TERB1: variants seen among roughly 807,000 people sequenced by gnomAD.
The protein encoded by TERB1 is telomere repeats-binding bouquet formation protein 1.
Under a neutral mutation model 92.3 loss-of-function variants are expected in TERB1, and 63 were observed. The ratio of observed to expected loss-of-function variants is 0.68; its 90% CI spans 0.56 to 0.84. TERB1 has a LOEUF of 0.84. Among genes scored for constraint, TERB1 ranks in the 40% least tolerant of loss-of-function variants. TERB1 has a pLI of 0.00. For missense variants in TERB1, 709 were observed against 843.7 expected (o/e 0.84, Z 1.98); for synonymous variants, 252 against 283.9 (o/e 0.89, Z 1.13).
At chr16:66,790,516 C>A in intron 5 of TERB1, 79 bp downstream of exon 5, 3 of 1,055,636 alleles carry the variant, frequency 2.8e-6, no homozygotes, top group Admixed American at 3.2e-5. Flanking sequence ...AGGAAATTAA[C>A]TATAAAATTA....
chr16:66,775,031 G>T, intron 12 of TERB1, 87 bp downstream of exon 12: 1 of 1,342,970 alleles, frequency 7.4e-7, no homozygotes, highest in Non-Finnish European at 1.0e-6. Context: ...GAATCTGAGA[G>T]CTATAGGGCC....
intron 9 of TERB1, among the ~76,000 whole-genome samples, chr16:66,782,434 C>T (rs1181925292): frequency 2.0e-5 from 3 of 151,722 alleles, no homozygotes; most frequent in African/African-American, 7.3e-5. Flanking sequence ...CCCGTAATCC[C>T]AGCTACTCAG....
Position 66,754,792 on chromosome 16 carries a change from T to A in TERB1, c.*184A>T. ...ATTTTCTTACTAATCTGTACACTGA[T>A]GATATATTTGCTTTATAAATCATTG... On this transcript the variant is annotated 3_prime_UTR_variant, in exon 19 of 19. Coordinates refer to ENST00000433154, the MANE Select transcript of TERB1 (RefSeq NM_001136505.2). 1 of 592,936 alleles carries A rather than the reference T, an allele frequency of 1.7e-6. No individual in the cohort carries two copies. The highest frequency in any genetic ancestry group is 2.3e-5 in the South Asian group (1 of 43,882). The allele number at this position is 592,936 out of a possible 1,614,324, so 36.7% of individuals were successfully genotyped here. A position where few individuals can be genotyped will look rare whatever the true frequency, so the allele number is the denominator to read the frequency against.
At chr16:66,758,513 G>A in intron 18 of TERB1, 1 of 307,954 alleles carries the variant, frequency 3.2e-6, no homozygotes, top group Admixed American at 4.9e-5. Context: ...GGCCAAGGTG[G>A]GTGGATCACT....
chr16:66,792,453 T>C (rs1323418831), intron 3 of TERB1, among the ~76,000 whole-genome samples: 1 of 152,064 alleles, frequency 6.6e-6, no homozygotes, highest in Admixed American at 6.6e-5. Context: ...AAAAAAGAAA[T>C]AAAAGGCACC....
chr16:66,772,263 T>A (rs1051131146), intron 13 of TERB1, among the ~76,000 whole-genome samples: 4 of 152,166 alleles, frequency 2.6e-5, no homozygotes, highest in Non-Finnish European at 4.4e-5. Context: ...GGAGATCACT[T>A]GAGGTCAGGC....
intron 2 of TERB1, 81 bp from the exon 3 acceptor site, chr16:66,796,911 TG>T (rs1964242991): frequency 5.8e-6 from 4 of 688,868 alleles, no homozygotes; most frequent in Non-Finnish European, 2.4e-6. Flanking sequence ...CGGGAAAAAT[TG>T]TTTTCCTGAA....
intron 5 of TERB1, among the ~76,000 whole-genome samples, chr16:66,789,033 A>G (rs2018775737): frequency 6.6e-6 from 1 of 151,424 alleles, no homozygotes; most frequent in South Asian, 2.1e-4. Context: ...AAAAAAAAAA[A>G]AAAAAGAAAG....
At chr16:66,801,292 A>G (rs1390136350) in intron 1 of TERB1, among the ~76,000 whole-genome samples, 176 bp downstream of exon 1, 1 of 152,208 alleles carries the variant, frequency 6.6e-6, no homozygotes, top group Admixed American at 6.5e-5. Flanking sequence ...TAAATGGTGC[A>G]TCACGTGATG....
Position 66,769,976 on chromosome 16 carries a change from C to A in TERB1, c.1606G>T (p.Val536Phe). The change falls in exon 14 of 19, where the codon GTT becomes TTT. Residue 536 changes from valine to phenylalanine, a missense_variant. Coordinates refer to ENST00000433154, the MANE Select transcript of TERB1 (RefSeq NM_001136505.2). ...ATTAAACTATACCTTGATTGAGAAACAAAATTCTTTTCAAAAGTAGTTTCT... is the reference window on the plus strand; with the variant it reads ...ATTAAACTATACCTTGATTGAGAAAAAAAATTCTTTTCAAAAGTAGTTTCT... ...HEETTFEKNFVSQSSDHVFKH... is the reference protein window; with the variant it reads ...HEETTFEKNFFSQSSDHVFKH... 1.3e-6 allele frequency: 2 copies of A among 1,549,446 alleles called. No homozygotes were observed. The highest frequency in any genetic ancestry group is 8.7e-7 in the Non-Finnish European group (1 of 1,145,886).
chr16:66,790,560 C>T (rs1320520589), intron 5 of TERB1, 35 bp downstream of exon 5: 1 of 1,442,278 alleles, frequency 6.9e-7, no homozygotes, highest in South Asian at 1.3e-5. Context: ...TAACACAATG[C>T]TTAAAGTATA....
chr16:66,775,007 T>G, intron 12 of TERB1, 111 bp downstream of exon 12: 1 of 1,216,312 alleles, frequency 8.2e-7, no homozygotes, highest in Non-Finnish European at 1.1e-6. Context: ...TAGTCTGCTT[T>G]TCAAATGTAA....
intron 1 of TERB1, 62 bp downstream of exon 1, chr16:66,801,406 G>A (rs1681013617): frequency 6.6e-6 from 1 of 152,338 alleles, no homozygotes; most frequent in South Asian, 2.1e-4. Context: ...TGGGCTAAGG[G>A]CCTGACGGGG....
At chr16:66,765,849 A>ATT (rs10564947) in intron 16 of TERB1, among the ~76,000 whole-genome samples, 2,579 of 62,700 alleles carry the variant, frequency 0.041, 103 homozygotes, top group Non-Finnish European at 0.052. Context: ...ACTATTGGGT[A>ATT]TTTTTTTTTT....
intron 15 of TERB1, 21 bp from the exon 16 acceptor site, chr16:66,767,531 A>G (rs561089151): frequency 8.7e-7 from 1 of 1,148,136 alleles, no homozygotes; most frequent in South Asian, 1.5e-5. Flanking sequence ...TTGCAAAATG[A>G]AGGATTTTTG....
chr16:66,766,438 A>G (rs1322605236), intron 16 of TERB1, among the ~76,000 whole-genome samples: 2 of 152,202 alleles, frequency 1.3e-5, no homozygotes, highest in Admixed American at 6.6e-5. Context: ...AGCAAGATGA[A>G]AAAAGAGGAA....
At chr16:66,760,353 G>A (rs560135191) in intron 16 of TERB1, among the ~76,000 whole-genome samples, 2 of 142,546 alleles carry the variant, frequency 1.4e-5, no homozygotes, top group South Asian at 4.9e-4. Context: ...CAGCTACTTG[G>A]GAGGCTGAGG....
At chr16:66,756,743 A>G (rs543542495) in intron 18 of TERB1, among the ~76,000 whole-genome samples, 12 of 152,292 alleles carry the variant, frequency 7.9e-5, no homozygotes, top group African/African-American at 2.4e-4. Context: ...TTTATACTTA[A>G]TATCTGTGCC....
At chr16:66,792,822 A>G (rs1285369444) in intron 3 of TERB1, among the ~76,000 whole-genome samples, 1 of 152,158 alleles carries the variant, frequency 6.6e-6, no homozygotes, top group Non-Finnish European at 1.5e-5. Context: ...AAATTTTTGT[A>G]TATCTAAACA....
Sources: gnomAD v4.1 joint callset for allele counts (sites outside exome capture counted in the v4.1 genomes callset) on GRCh38, gnomAD v4.1.1 for gene constraint, MANE v1.5 for transcripts, NCBI Gene and HGNC (gene_info 2026-07-23, HGNC 2026-07-21) for gene names.